The following ROBO2 variants were observed in gnomAD, a reference collection of about 807,000 sequenced individuals.
ROBO2 encodes roundabout guidance receptor 2.
ROBO2 carries 53 observed loss-of-function variants against 160.8 expected under a neutral mutation model. The observed-to-expected ratio is 0.33, with a 90% CI of 0.26 to 0.41. The LOEUF (loss-of-function observed/expected upper bound fraction) is 0.41. Ranked by LOEUF, ROBO2 falls within the 10% of genes least tolerant of loss-of-function variation. The pLI, the probability that ROBO2 is intolerant of heterozygous loss-of-function variation, is 1.00. For synonymous variants in ROBO2, 664 were observed against 611.7 expected, an observed-to-expected ratio of 1.09 and a Z score of -1.26; for missense variants, 1,577 against 1,722.4, an observed-to-expected ratio of 0.92 and a Z score of 1.49.
chr3:75,937,527 A>G (rs1211858953), exon 2 of ROBO2: 8 of 1,578,522 alleles, frequency 5.1e-6, no homozygotes, highest in Non-Finnish European at 6.8e-6. Context: ...CACTAGAAGG[A>G]TGTGGACATG....
chr3:76,963,686 G>GGGTAGAAC (rs2079836700), intron 2 of ROBO2, among the ~76,000 whole-genome samples: 1 of 151,720 alleles, frequency 6.6e-6, no homozygotes, highest in Non-Finnish European at 1.5e-5. Flanking sequence ...ACCCATATTT[G>GGGTAGAAC]TTTACCTTTG....
intron 2 of ROBO2, among the ~76,000 whole-genome samples, chr3:76,688,568 T>G (rs1410642383): frequency 1.3e-5 from 2 of 150,310 alleles, no homozygotes; most frequent in Non-Finnish European, 3.0e-5. Flanking sequence ...GTAATGAAAG[T>G]CTTTTTTTGT....
chr3:76,887,194 A>ATTTTTT (rs5850296), intron 2 of ROBO2, among the ~76,000 whole-genome samples: 14 of 76,568 alleles, frequency 1.8e-4, no homozygotes, highest in African/African-American at 8.9e-4. Context: ...TTCAGGAAGC[A>ATTTTTT]TTTTTTTTTT....
chr3:77,453,793 G>C (rs745560984), intron 2 of ROBO2, among the ~76,000 whole-genome samples: 6 of 152,062 alleles, frequency 3.9e-5, no homozygotes, highest in Non-Finnish European at 8.8e-5. Flanking sequence ...GCATGGCTTG[G>C]AGTAGTAATT....
At position 77,410,116 on chromosome 3, in the gene ROBO2, A is replaced by G. The variant is rs569545712; in HGVS notation, c.389-67298A>G. Among the ~76,000 whole-genome samples the G allele has an allele frequency of 1.6e-4, 24 of 152,316 alleles. 1 individual carries two copies. In the South Asian group the frequency reaches 3.5e-3, roughly 22 times the overall value. ...GTAGCTGCCTGATGATTTGAAAAGT[A>G]TAAGTACCCACAAGTGTACCAAAAT... On this transcript the variant is annotated intron_variant, in intron 2 of 25. Coordinates refer to ENST00000461745, the Ensembl canonical transcript of ROBO2.
intron 2 of ROBO2, among the ~76,000 whole-genome samples, chr3:76,767,323 C>T (rs996397238): frequency 2.6e-5 from 4 of 151,576 alleles, no homozygotes; most frequent in South Asian, 2.1e-4. Flanking sequence ...TAGATAAATA[C>T]TTATAAAAGT....
intron 2 of ROBO2, among the ~76,000 whole-genome samples, chr3:76,875,887 C>T (rs1229643895): frequency 6.6e-6 from 1 of 152,122 alleles, no homozygotes; most frequent in Non-Finnish European, 1.5e-5. Flanking sequence ...CTCCTGACCT[C>T]AGGTGATCTG....
chr3:77,162,905 C>A (rs1415854941), intron 2 of ROBO2, among the ~76,000 whole-genome samples: 1 of 152,084 alleles, frequency 6.6e-6, no homozygotes, highest in Non-Finnish European at 1.5e-5. Context: ...TTTTGGCTTA[C>A]TGCAACCTTG....
chr3:76,932,756 C>A (rs571151323), intron 2 of ROBO2, among the ~76,000 whole-genome samples: 1 of 152,118 alleles, frequency 6.6e-6, no homozygotes, highest in African/African-American at 2.4e-5. Flanking sequence ...AAAAAAATAA[C>A]CTTTCACATG....
At position 77,332,924 on chromosome 3, in the gene ROBO2, AG is replaced by A. The variant is rs1011184386; in HGVS notation, c.389-144488del. Among the ~76,000 whole-genome samples, 32 of 152,210 alleles carry A rather than the reference AG, an allele frequency of 2.1e-4. 1 individual carries two copies. The highest frequency in any genetic ancestry group is 1.0e-4 in the Non-Finnish European group (7 of 68,042). On this transcript the variant is annotated intron_variant, in intron 2 of 25. Coordinates refer to ENST00000461745, the Ensembl canonical transcript of ROBO2. Reference sequence around the variant, plus strand: ...AGAGCGACTTATTACAAATTTACCCAGGTAATAGAAAACCCGGATGCGCTTC... The same window carrying A: ...AGAGCGACTTATTACAAATTTACCCAGTAATAGAAAACCCGGATGCGCTTC...
chr3:77,548,162 C>G (rs2092776176), intron 7 of ROBO2, among the ~76,000 whole-genome samples: 2 of 151,790 alleles, frequency 1.3e-5, no homozygotes, highest in African/African-American at 4.8e-5. Context: ...CACATACACA[C>G]ACACACACAC....
At chr3:77,556,858 A>G (rs2093141058) in intron 8 of ROBO2, among the ~76,000 whole-genome samples, 1 of 151,920 alleles carries the variant, frequency 6.6e-6, no homozygotes, top group African/African-American at 2.4e-5. Context: ...CACAATAAAA[A>G]GCATATTTTG....
intron 20 of ROBO2, chr3:77,603,165 T>C (rs921352734): frequency 2.3e-5 from 10 of 430,730 alleles, no homozygotes; most frequent in African/African-American, 8.0e-5. Flanking sequence ...CTGTCAGGCA[T>C]TTATCTGTCA....
intron 2 of ROBO2, among the ~76,000 whole-genome samples, chr3:76,869,601 G>A (rs983830591): frequency 5.9e-5 from 9 of 151,720 alleles, no homozygotes; most frequent in Non-Finnish European, 1.2e-4. Context: ...CGCCCGCCTC[G>A]GCCTCCCAAA....
At chr3:77,098,478 G>A in intron 2 of ROBO2, 138 bp downstream of exon 2, 1 of 887,848 alleles carries the variant, frequency 1.1e-6, no homozygotes, top group Non-Finnish European at 1.8e-6. Flanking sequence ...CTTCAGAGAA[G>A]TCTGGTCAAG....
chr3:76,834,189 C>T (rs1356613960), intron 2 of ROBO2, among the ~76,000 whole-genome samples: 1 of 136,456 alleles, frequency 7.3e-6, no homozygotes, highest in African/African-American at 2.8e-5. Context: ...CTCTCTCTCT[C>T]TTTCTTTCTT....
chr3:76,151,593 TG>T (rs2072205585), intron 2 of ROBO2, among the ~76,000 whole-genome samples: 1 of 152,156 alleles, frequency 6.6e-6, no homozygotes, highest in African/African-American at 2.4e-5. Context: ...CATATGCTAT[TG>T]CTTTATATAG....
intron 9 of ROBO2, among the ~76,000 whole-genome samples, chr3:77,560,795 T>G (rs1265395689): frequency 6.6e-6 from 1 of 152,148 alleles, no homozygotes; most frequent in Non-Finnish European, 1.5e-5. Flanking sequence ...CCTACATACT[T>G]TTCTTTTAGC....
At chr3:77,589,151 T>C (rs886959462) in intron 17 of ROBO2, among the ~76,000 whole-genome samples, 3 of 152,088 alleles carry the variant, frequency 2.0e-5, no homozygotes, top group Non-Finnish European at 2.9e-5. Flanking sequence ...CAGTGAAGCA[T>C]AACAAGAGCA....
Sources: gnomAD v4.1 joint callset for allele counts (sites outside exome capture counted in the v4.1 genomes callset) on GRCh38, gnomAD v4.1.1 for gene constraint, MANE v1.5 for transcripts, NCBI Gene and HGNC (gene_info 2026-07-23, HGNC 2026-07-21) for gene names.